The following NR1H4 variants were observed in gnomAD, a reference collection of about 807,000 sequenced individuals.
NR1H4 encodes bile acid receptor.
A neutral mutation model predicts 58.5 loss-of-function variants in NR1H4; 23 were observed. The observed-to-expected ratio is 0.39, with a 90% confidence interval of 0.28 to 0.56. The LOEUF (loss-of-function observed/expected upper bound fraction) is 0.56. Ranked by LOEUF, NR1H4 falls within the 20% of genes least tolerant of loss-of-function variation. The probability of loss-of-function intolerance (pLI) is 0.58; values close to 1 mark genes in which losing one functional copy is unlikely to be tolerated. For missense variants in NR1H4, 487 were observed against 576.9 expected (o/e 0.84, Z 1.60); for synonymous variants, 214 against 198.0 (o/e 1.08, Z -0.68).
chr12:100,559,264 G>A (rs1955405526), intron 9 of NR1H4, among the ~76,000 whole-genome samples: 1 of 152,204 alleles, frequency 6.6e-6, no homozygotes, highest in Admixed American at 6.5e-5. Flanking sequence ...CCTCTGCCTG[G>A]GCTCCCACTT....
intron 3 of NR1H4, among the ~76,000 whole-genome samples, chr12:100,505,227 G>A (rs959265391): frequency 2.0e-5 from 3 of 152,198 alleles, no homozygotes; most frequent in African/African-American, 7.2e-5. Flanking sequence ...AGGAGCATCA[G>A]AAACTCACTG....
At chr12:100,549,104 C>T (rs552304321) in intron 9 of NR1H4, among the ~76,000 whole-genome samples, 36 of 152,144 alleles carry the variant, frequency 2.4e-4, no homozygotes, top group African/African-American at 8.4e-4. Context: ...TTCGGGAGGC[C>T]AACGTGGGCA....
chr12:100,563,728 C>A lies in NR1H4; in HGVS notation c.*239C>A. On this transcript the variant is annotated 3_prime_UTR_variant, in exon 11 of 11. Coordinates refer to ENST00000392986, the MANE Select transcript of NR1H4 (RefSeq NM_001206979.2). ...CATTCTAATTGGCAAGCCCTGTTTGCCTAATTAAATTGATTGTTACTTCAA... is the reference window on the plus strand; with the variant it reads ...CATTCTAATTGGCAAGCCCTGTTTGACTAATTAAATTGATTGTTACTTCAA... The A allele has an allele frequency of 2.0e-6, 1 of 501,880 alleles. No individual in the cohort carries two copies. Among genetic ancestry groups the A allele is most frequent in the Non-Finnish European group, 3.5e-6 (1 of 283,938 alleles). The allele number at this position is 501,880 out of a possible 1,614,324, so 31.1% of individuals were successfully genotyped here.
At chr12:100,529,384 T>C (rs2136220306) in intron 4 of NR1H4, among the ~76,000 whole-genome samples, 1 of 152,300 alleles carries the variant, frequency 6.6e-6, no homozygotes, top group Middle Eastern at 3.4e-3. Flanking sequence ...CACCTTTACC[T>C]TGCTCCGAGG....
At chr12:100,520,077 T>A (rs1954374777) in intron 4 of NR1H4, among the ~76,000 whole-genome samples, 1 of 152,134 alleles carries the variant, frequency 6.6e-6, no homozygotes, top group South Asian at 2.1e-4. Context: ...AGAGGACCAA[T>A]GCCTCATGCC....
intron 3 of NR1H4, among the ~76,000 whole-genome samples, chr12:100,497,247 T>C (rs1370101092): frequency 6.6e-6 from 1 of 152,040 alleles, no homozygotes; most frequent in East Asian, 1.9e-4. Context: ...TCCCCGCACT[T>C]CTGGACTGTT....
At chr12:100,528,282 G>A (rs904656306) in intron 4 of NR1H4, among the ~76,000 whole-genome samples, 3 of 152,172 alleles carry the variant, frequency 2.0e-5, no homozygotes, top group Admixed American at 2.0e-4. Context: ...CATGAGAAGT[G>A]CCTGAACTCA....
intron 3 of NR1H4, among the ~76,000 whole-genome samples, chr12:100,494,129 C>T (rs1236809827): frequency 2.0e-5 from 3 of 152,130 alleles, no homozygotes; most frequent in African/African-American, 2.4e-5. Context: ...TTTCACCCTC[C>T]GTTAATATAT....
intron 1 of NR1H4, among the ~76,000 whole-genome samples, chr12:100,491,553 T>C (rs553568875): frequency 6.6e-6 from 1 of 151,064 alleles, no homozygotes; most frequent in Non-Finnish European, 1.5e-5. Context: ...AAATTACATA[T>C]GTCTCTAATG....
chr12:100,503,351 C>G, intron 3 of NR1H4: 2 of 1,585,098 alleles, frequency 1.3e-6, no homozygotes, highest in Non-Finnish European at 1.7e-6. Context: ...TCACTCCTTA[C>G]CTAGTCTCAT....
chr12:100,478,879 A>T (rs1206854377), intron 1 of NR1H4, among the ~76,000 whole-genome samples: 2 of 152,232 alleles, frequency 1.3e-5, no homozygotes, highest in Admixed American at 1.3e-4. Flanking sequence ...GTGAGAATGC[A>T]TATTTTCATA....
chr12:100,561,588 C>G (rs1392446077), intron 9 of NR1H4, among the ~76,000 whole-genome samples: 1 of 152,024 alleles, frequency 6.6e-6, no homozygotes, highest in African/African-American at 2.4e-5. Flanking sequence ...TTTTGAGATT[C>G]TTTTGGCAAT....
rs867947555 is a variant in NR1H4 at position 100,511,071 on chromosome 12, G to A, written c.373G>A (p.Glu125Lys). ...GTCAGCAGGGAGGATCAAAGGGGAT[G>A]AGCTGTGTGTTGTTTGTGGAGACAG... ...GASAGRIKGD[E>K]LCVVCGDRAS... The change falls in exon 4 of 11, where the codon GAG becomes AAG. Residue 125 changes from glutamate to lysine, a missense_variant. By Grantham distance (56) the Glu-to-Lys change is moderately conservative. Coordinates refer to ENST00000392986, the MANE Select transcript of NR1H4 (RefSeq NM_001206979.2). The A allele has an allele frequency of 1.2e-6, 2 of 1,614,268 alleles. No individual in the cohort carries two copies. The highest frequency in any genetic ancestry group is 1.7e-6 in the Non-Finnish European group (2 of 1,180,050).
intron 4 of NR1H4, among the ~76,000 whole-genome samples, chr12:100,524,060 C>T (rs901118758): frequency 3.3e-5 from 5 of 151,996 alleles, no homozygotes; most frequent in Non-Finnish European, 7.4e-5. Flanking sequence ...ACTGACATTT[C>T]ACATAAACAT....
rs564200735 is a variant in NR1H4 at position 100,533,963 on chromosome 12, C to G, written c.599-927C>G. 3.6e-4 allele frequency among the ~76,000 whole-genome samples: 55 copies of G among 151,316 alleles called. 1 individual carries two copies. The highest frequency in any genetic ancestry group is 1.3e-3 in the African/African-American group (55 of 41,018). ...GGACTGCGGACTGCAGTGGCGCAATCTCGGCTCACTGCAAGCTCCGCTTCC... is the reference window on the plus strand; with the variant it reads ...GGACTGCGGACTGCAGTGGCGCAATGTCGGCTCACTGCAAGCTCCGCTTCC... On this transcript the variant is annotated intron_variant, in intron 5 of 10. Coordinates refer to ENST00000392986, the MANE Select transcript of NR1H4 (RefSeq NM_001206979.2).
rs562870095 is a variant in NR1H4 at position 100,474,580 on chromosome 12, G to A, written c.-190+521G>A. The stretch of plus-strand genomic sequence containing the variant: ...GACTTCAGTTGTAAACTCTTCTATT[G>A]CTTTCCATTTTGAATATTAATATGA... On this transcript the variant is annotated intron_variant, in intron 1 of 10. Transcript: ENST00000392986. 1.3e-4 allele frequency among the ~76,000 whole-genome samples: 20 copies of A among 152,226 alleles called. No homozygotes were observed. In the South Asian group the frequency reaches 2.1e-3, roughly 16 times the overall value.
At chr12:100,497,359 C>T (rs1461376015) in intron 3 of NR1H4, among the ~76,000 whole-genome samples, 1 of 152,142 alleles carries the variant, frequency 6.6e-6, no homozygotes, top group Non-Finnish European at 1.5e-5. Context: ...GGTCAGCCTG[C>T]AGTCATCATC....
At chr12:100,545,723 A>C (rs1176547918) in intron 9 of NR1H4, among the ~76,000 whole-genome samples, 1 of 151,662 alleles carries the variant, frequency 6.6e-6, no homozygotes, top group African/African-American at 2.4e-5. Flanking sequence ...ACGGCACCAG[A>C]AAGATAATTA....
At chr12:100,483,975 C>T (rs892146085) in intron 1 of NR1H4, among the ~76,000 whole-genome samples, 1 of 138,412 alleles carries the variant, frequency 7.2e-6, no homozygotes, top group Non-Finnish European at 1.5e-5. Flanking sequence ...CAGAGCAAGA[C>T]TCTGTCTCAG....
Sources: allele counts gnomAD v4.1 joint callset (sites outside exome capture counted in the v4.1 genomes callset), GRCh38; gene constraint gnomAD v4.1.1; transcripts MANE v1.5; gene names NCBI Gene and HGNC (gene_info 2026-07-23, HGNC 2026-07-21).